Variants in SGCZ observed in about 807,000 individuals in gnomAD.
SGCZ encodes sarcoglycan zeta.
In SGCZ, 40 loss-of-function variants were observed where a neutral mutation model predicts 41.3. That is an observed-to-expected ratio of 0.97 (90% CI 0.75 to 1.26). The LOEUF (loss-of-function observed/expected upper bound fraction) is 1.26. SGCZ is among the 50% of genes most tolerant of loss of function. SGCZ has a pLI of 0.00. For synonymous variants in SGCZ, 206 were observed against 137.5 expected, an observed-to-expected ratio of 1.50 and a Z score of -3.49; for missense variants, 552 against 369.8, an observed-to-expected ratio of 1.49 and a Z score of -4.04.
chr8:14,850,882 C>T (rs1485186113), intron 1 of SGCZ, among the ~76,000 whole-genome samples: 2 of 152,164 alleles, frequency 1.3e-5, no homozygotes, highest in East Asian at 3.9e-4. Context: ...CTTGCTTCCC[C>T]TTCGCCTTCC....
intron 1 of SGCZ, among the ~76,000 whole-genome samples, chr8:15,137,612 G>A (rs1808161506): frequency 6.6e-6 from 1 of 152,052 alleles, no homozygotes; most frequent in South Asian, 2.1e-4. Flanking sequence ...AAGGGGACAA[G>A]GTACAGCTCA....
chr8:14,733,822 T>G (rs1424720429), intron 1 of SGCZ, among the ~76,000 whole-genome samples: 2 of 152,178 alleles, frequency 1.3e-5, no homozygotes, highest in African/African-American at 4.8e-5. Context: ...TGCTACAAAA[T>G]AGAATAAATC....
chr8:14,750,092 A>G (rs560804003), intron 1 of SGCZ, among the ~76,000 whole-genome samples: 1 of 152,324 alleles, frequency 6.6e-6, no homozygotes, highest in Non-Finnish European at 1.5e-5. Flanking sequence ...AATAGTCCAA[A>G]TTAATAATCC....
At chr8:14,153,575 T>C (rs1585183134) in intron 5 of SGCZ, among the ~76,000 whole-genome samples, 1 of 152,122 alleles carries the variant, frequency 6.6e-6, no homozygotes, top group African/African-American at 2.4e-5. Context: ...GGATTCTCTT[T>C]CATTTAATAC....
chr8:15,072,627 T>G (rs911184284), intron 1 of SGCZ, among the ~76,000 whole-genome samples: 18 of 152,130 alleles, frequency 1.2e-4, no homozygotes, highest in Non-Finnish European at 2.1e-4. Flanking sequence ...GGCCAGGAAT[T>G]TATGACATGG....
intron 1 of SGCZ, among the ~76,000 whole-genome samples, chr8:15,218,746 T>C (rs1371154333): frequency 1.3e-5 from 2 of 152,174 alleles, no homozygotes; most frequent in African/African-American, 2.4e-5. Flanking sequence ...AATTGACGCA[T>C]GGATGGATAG....
intron 1 of SGCZ, among the ~76,000 whole-genome samples, chr8:14,881,944 A>G (rs758035963): frequency 1.2e-4 from 18 of 152,216 alleles, no homozygotes; most frequent in Non-Finnish European, 2.5e-4. Flanking sequence ...AAAGAACTAC[A>G]TGGAAATTGA....
chr8:14,264,820 G>A (rs901426400), intron 3 of SGCZ, among the ~76,000 whole-genome samples: 2 of 151,980 alleles, frequency 1.3e-5, no homozygotes, highest in Admixed American at 6.6e-5. Flanking sequence ...AAAATTAGCC[G>A]GGCGTGGTGG....
chr8:14,253,684 T>G (rs1241729041), intron 3 of SGCZ, among the ~76,000 whole-genome samples: 1 of 152,092 alleles, frequency 6.6e-6, no homozygotes, highest in Non-Finnish European at 1.5e-5. Context: ...AAATCCCACA[T>G]GTAACTGAGC....
intron 2 of SGCZ, among the ~76,000 whole-genome samples, chr8:14,348,972 T>C (rs529592084): frequency 2.2e-3 from 335 of 152,260 alleles, no homozygotes; most frequent in Non-Finnish European, 4.2e-3. Flanking sequence ...TTTTACTGTG[T>C]TACGTAAATA....
chr8:14,350,539 C>T (rs1803052289), intron 2 of SGCZ, among the ~76,000 whole-genome samples: 1 of 151,974 alleles, frequency 6.6e-6, no homozygotes, highest in South Asian at 2.1e-4. Flanking sequence ...ATGTGATACC[C>T]CATCTATTTG....
At chr8:14,507,415 T>A (rs899110453) in intron 2 of SGCZ, among the ~76,000 whole-genome samples, 12 of 142,060 alleles carry the variant, frequency 8.4e-5, no homozygotes, top group African/African-American at 3.1e-4. Context: ...GAAGTCTACC[T>A]GTAATTTATT....
intron 1 of SGCZ, among the ~76,000 whole-genome samples, chr8:15,019,440 T>C (rs1803168346): frequency 6.6e-6 from 1 of 152,138 alleles, no homozygotes; most frequent in South Asian, 2.1e-4. Flanking sequence ...TGGATTCACA[T>C]TTCCAAATTG....
At chr8:14,206,169 A>T (rs928481495) in intron 4 of SGCZ, among the ~76,000 whole-genome samples, 1 of 152,140 alleles carries the variant, frequency 6.6e-6, no homozygotes, top group Non-Finnish European at 1.5e-5. Flanking sequence ...ATATTAGAAA[A>T]CATCATATCC....
chr8:14,587,474 C>G (rs1805098174), intron 1 of SGCZ, among the ~76,000 whole-genome samples: 1 of 150,806 alleles, frequency 6.6e-6, no homozygotes, highest in Admixed American at 6.7e-5. Context: ...GAGTTTGAGA[C>G]AAGCTGGGCA....
intron 3 of SGCZ, among the ~76,000 whole-genome samples, chr8:14,268,039 A>T (rs1333236927): frequency 6.6e-6 from 1 of 151,258 alleles, no homozygotes; most frequent in African/African-American, 2.4e-5. Context: ...AGCCTAATTT[A>T]CTTTTTCTTC....
At chr8:14,879,676 A>G (rs2130720176) in intron 1 of SGCZ, 1 of 152,014 alleles carries the variant, frequency 6.6e-6, no homozygotes, top group South Asian at 2.1e-4. Flanking sequence ...TACTTTCAAT[A>G]AGTTTTTTCA....
intron 1 of SGCZ, among the ~76,000 whole-genome samples, chr8:14,670,909 C>T (rs1004966194): frequency 6.6e-6 from 1 of 152,182 alleles, no homozygotes; most frequent in Non-Finnish European, 1.5e-5. Flanking sequence ...ATTTACTACC[C>T]TATAGAACTA....
chr8:14,700,974 T>C (rs1322143590), intron 1 of SGCZ, among the ~76,000 whole-genome samples: 3 of 151,966 alleles, frequency 2.0e-5, no homozygotes, highest in South Asian at 2.1e-4. Context: ...CACATAATTA[T>C]GAAGTTAATC....
Sources: gnomAD v4.1 joint callset for allele counts (sites outside exome capture counted in the v4.1 genomes callset) on GRCh38, gnomAD v4.1.1 for gene constraint, MANE v1.5 for transcripts, NCBI Gene and HGNC (gene_info 2026-07-23, HGNC 2026-07-21) for gene names.